RPS6KB1: variants seen among roughly 807,000 people sequenced by gnomAD.
RPS6KB1 encodes ribosomal protein S6 kinase beta-1.
Under a neutral mutation model 70.2 loss-of-function variants are expected in RPS6KB1, and 12 were observed. That is an observed-to-expected ratio of 0.17 (90% CI 0.11 to 0.28). The LOEUF (loss-of-function observed/expected upper bound fraction) is 0.28, where lower values mean the gene tolerates loss of function less well. RPS6KB1 is among the 10% of genes least tolerant of loss of function. The pLI is 1.00. For synonymous variants in RPS6KB1, 175 were observed against 211.2 expected (o/e 0.83, Z 1.49); for missense variants, 270 against 646.6 (o/e 0.42, Z 6.32).
chr17:59,908,864 C>T (rs1278305850), intron 1 of RPS6KB1, among the ~76,000 whole-genome samples: 1 of 141,662 alleles, frequency 7.1e-6, no homozygotes, highest in African/African-American at 2.7e-5. Flanking sequence ...GTGATCCGCC[C>T]GCCTCGGCCT....
rs1311271379 is a variant in RPS6KB1 at position 59,946,386 on chromosome 17, G to A, written c.1341-165G>A. On this transcript the variant is annotated intron_variant, in intron 14 of 14. Transcript: ENST00000225577. This position sits in a 1 kb window ranked among gnomAD's most constrained non-coding sequence, Gnocchi z 4.2. ...TAGGAAATTCTAGCAGTTAATCTAG[G>A]TGGGGGAGAGATGGTTCAATTTTTG... 2.0e-5 allele frequency among the ~76,000 whole-genome samples: 3 copies of A among 152,118 alleles called. No individual in the cohort carries two copies. The highest frequency in any genetic ancestry group is 4.4e-5 in the Non-Finnish European group (3 of 68,020).
chr17:59,915,248 C>G (rs774386674), intron 4 of RPS6KB1, among the ~76,000 whole-genome samples: 2 of 152,026 alleles, frequency 1.3e-5, no homozygotes, highest in Non-Finnish European at 1.5e-5. Context: ...CTCGGCATCC[C>G]AAAGTGCAGG....
Position 59,926,471 on chromosome 17 carries a change from A to G in RPS6KB1, c.418A>G (p.Thr140Ala). The G allele has an allele frequency of 3.1e-6, 5 of 1,611,682 alleles. No individual in the cohort carries two copies. The highest frequency in any genetic ancestry group is 4.2e-6 in the Non-Finnish European group (5 of 1,178,020). ...IVRNAKDTAH[T>A]KAERNILEEV... Reference sequence around the variant, plus strand: ...AAGAAATGCTAAAGATACAGCTCATACAAAAGCAGAACGGAATATTCTGGA... The same window carrying G: ...AAGAAATGCTAAAGATACAGCTCATGCAAAAGCAGAACGGAATATTCTGGA... Residue 140 changes from threonine (T) to alanine (A), a missense_variant, in exon 5 of 15, where the codon ACA becomes GCA. By Grantham distance (58) the Thr-to-Ala change is moderately conservative. Around this residue, in one of 4 missense-constraint regions of RPS6KB1, gnomAD observed 44 missense variants for 102.5 expected, o/e 0.43. Transcript: ENST00000225577.
chr17:59,914,540 A>G, intron 3 of RPS6KB1, 95 bp from the exon 4 acceptor site: 1 of 878,164 alleles, frequency 1.1e-6, no homozygotes, highest in Non-Finnish European at 1.9e-6. Context: ...TTTATAATAT[A>G]AACTGCTGTG....
At chr17:59,916,422 G>T (rs1568432288) in intron 4 of RPS6KB1, among the ~76,000 whole-genome samples, 1 of 152,156 alleles carries the variant, frequency 6.6e-6, no homozygotes, top group Non-Finnish European at 1.5e-5. Context: ...TTTTATGCGA[G>T]TTAAGGATTT....
At chr17:59,922,286 TCTC>T (rs2043311984) in intron 4 of RPS6KB1, among the ~76,000 whole-genome samples, 1 of 151,794 alleles carries the variant, frequency 6.6e-6, no homozygotes, top group Non-Finnish European at 1.5e-5. Context: ...GGTGAGCCGC[TCTC>T]CTCGGCCTCC....
At chr17:59,901,110 G>A (rs1252406305) in intron 1 of RPS6KB1, among the ~76,000 whole-genome samples, 3 of 151,424 alleles carry the variant, frequency 2.0e-5, no homozygotes, top group Non-Finnish European at 2.9e-5. Context: ...CCCATGAGCC[G>A]AGATTGCACC....
chr17:59,918,339 A>T (rs1178763421), intron 4 of RPS6KB1, among the ~76,000 whole-genome samples: 1 of 140,312 alleles, frequency 7.1e-6, no homozygotes, highest in East Asian at 2.1e-4. Flanking sequence ...ATCTTCTCTT[A>T]CCCCTCTGAG....
intron 4 of RPS6KB1, among the ~76,000 whole-genome samples, chr17:59,922,997 G>A (rs548158136): frequency 1.6e-4 from 24 of 148,516 alleles, no homozygotes; most frequent in Admixed American, 3.4e-4. Flanking sequence ...CTCCTGAGTC[G>A]CTGGGATAGG....
intron 1 of RPS6KB1, among the ~76,000 whole-genome samples, chr17:59,909,688 C>T (rs2042511686): frequency 1.3e-5 from 2 of 151,620 alleles, no homozygotes; most frequent in African/African-American, 4.8e-5. Context: ...ACCAGCCTGG[C>T]CAACATGATG....
chr17:59,912,627 T>C, intron 2 of RPS6KB1, 57 bp from the exon 3 acceptor site: 1 of 1,574,110 alleles, frequency 6.4e-7, no homozygotes, highest in Non-Finnish European at 8.7e-7. Context: ...CTTGACTATA[T>C]GCTGAAAGTA....
intron 1 of RPS6KB1, among the ~76,000 whole-genome samples, chr17:59,899,342 G>C (rs991316900): frequency 6.6e-6 from 1 of 152,146 alleles, no homozygotes; most frequent in Non-Finnish European, 1.5e-5. Context: ...TGCCTCAAAT[G>C]CTTCTGTCCT....
rs2042580634 is a variant in RPS6KB1, at chr17:59,910,682, A to C, written c.191+71A>C. ...GTAGGTTTTATCAGTTCTATTTCGT[A>C]GCAATCATGTGATTCCTGTAACCTG... On this transcript the variant is annotated intron_variant, in intron 2 of 14. Coordinates refer to ENST00000225577, the MANE Select transcript of RPS6KB1 (RefSeq NM_003161.4). 8 of 956,022 alleles carry C rather than the reference A, an allele frequency of 8.4e-6. No homozygotes were observed. In the Admixed American group the frequency reaches 1.7e-4, roughly 21 times the overall value. 59.2% of individuals were successfully genotyped at this position (956,022 alleles called of 1,614,324 possible). A position where few individuals can be genotyped will look rare whatever the true frequency, so the allele number is the denominator to read the frequency against.
intron 4 of RPS6KB1, among the ~76,000 whole-genome samples, chr17:59,918,838 T>TA (rs1350505745): frequency 6.8e-6 from 1 of 147,864 alleles, no homozygotes; most frequent in African/African-American, 2.5e-5. Context: ...TCTTTTTTTT[T>TA]TTTTTTTTTT....
intron 12 of RPS6KB1, among the ~76,000 whole-genome samples, chr17:59,937,794 A>C (rs1185567005): frequency 6.6e-6 from 1 of 152,208 alleles, no homozygotes; most frequent in Non-Finnish European, 1.5e-5. Context: ...TCAATGTACG[A>C]AATTTTTTGG....
intron 7 of RPS6KB1, among the ~76,000 whole-genome samples, chr17:59,933,856 T>C (rs1183427437): frequency 2.0e-5 from 3 of 152,186 alleles, no homozygotes; most frequent in Non-Finnish European, 2.9e-5. Context: ...TTTCCCAGGA[T>C]TTTTCTTTTT....
chr17:59,919,116 A>G (rs752161838), intron 4 of RPS6KB1, among the ~76,000 whole-genome samples: 1 of 152,106 alleles, frequency 6.6e-6, no homozygotes, highest in Non-Finnish European at 1.5e-5. Flanking sequence ...GCCTGGCCTG[A>G]TTATTCATAT....
chr17:59,937,092 G>A (rs544145604), intron 12 of RPS6KB1, among the ~76,000 whole-genome samples: 1 of 152,148 alleles, frequency 6.6e-6, no homozygotes, highest in East Asian at 1.9e-4. Context: ...GAACTCCTGG[G>A]CTCAAGTGAT....
chr17:59,945,310 G>A, intron 13 of RPS6KB1, 96 bp from the exon 14 acceptor site: 1 of 657,618 alleles, frequency 1.5e-6, no homozygotes, highest in South Asian at 1.8e-5. Flanking sequence ...GGTTTTAGGT[G>A]TGCATCATTG....
Sources: gnomAD v4.1 joint callset for allele counts (sites outside exome capture counted in the v4.1 genomes callset) on GRCh38, gnomAD v4.1.1 for gene constraint, gnomAD v4.1.1 regional missense constraint, Gnocchi (gnomAD v3.1) non-coding constraint, MANE v1.5 for transcripts, NCBI Gene and HGNC (gene_info 2026-07-23, HGNC 2026-07-21) for gene names.